FARP2: variants seen among roughly 807,000 people sequenced by gnomAD.
FARP2 encodes the protein FERM, ARH/RhoGEF and pleckstrin domain protein 2.
Under a neutral mutation model 130.5 loss-of-function variants are expected in FARP2, and 111 were observed. The observed-to-expected ratio is 0.85, with a 90% confidence interval of 0.73 to 1.00. FARP2 has a LOEUF of 1.00. FARP2 is among the 50% of genes least tolerant of loss of function. FARP2 has a pLI of 0.00. For synonymous variants in FARP2, 504 were observed against 516.9 expected (o/e 0.98, Z 0.34); for missense variants, 1,385 against 1,346.3 (o/e 1.03, Z -0.45).
At chr2:241,362,550 C>T (rs1180806216) in intron 1 of FARP2, among the ~76,000 whole-genome samples, 1 of 151,986 alleles carries the variant, frequency 6.6e-6, no homozygotes, top group African/African-American at 2.4e-5. Flanking sequence ...TGCAGTGAGG[C>T]GAGATTGCGC....
chr2:241,484,401 G>T, intron 21 of FARP2, 70 bp downstream of exon 21: 1 of 1,282,928 alleles, frequency 7.8e-7, no homozygotes. Flanking sequence ...CCTCTCTCCT[G>T]CAGAGGCGAA....
At chr2:241,396,675 C>A (rs2062037981) in intron 2 of FARP2, among the ~76,000 whole-genome samples, 1 of 152,184 alleles carries the variant, frequency 6.6e-6, no homozygotes, top group African/African-American at 2.4e-5. Context: ...ATTAAAAAGT[C>A]AGGGAGCAAC....
At chr2:241,493,153 CCT>C (rs2064992188) in intron 25 of FARP2, 117 bp downstream of exon 25, 2 of 1,170,300 alleles carry the variant, frequency 1.7e-6, no homozygotes, top group Admixed American at 3.6e-5. Context: ...GCCCACACAC[CCT>C]GTGCTGTGTG....
intron 5 of FARP2, among the ~76,000 whole-genome samples, chr2:241,410,538 C>G (rs2062489996): frequency 6.6e-6 from 1 of 151,264 alleles, no homozygotes; most frequent in South Asian, 2.1e-4. Flanking sequence ...TCAGGCGATT[C>G]TCCTGCCTCA....
chr2:241,378,268 A>G (rs1390392743), intron 2 of FARP2, among the ~76,000 whole-genome samples: 6 of 142,024 alleles, frequency 4.2e-5, no homozygotes, highest in Non-Finnish European at 9.3e-5. Context: ...TGCCCGGCTA[A>G]TATTTTTTTT....
At chr2:241,443,197 C>T (rs1026685689) in intron 13 of FARP2, 3 of 185,344 alleles carry the variant, frequency 1.6e-5, no homozygotes, top group Non-Finnish European at 3.4e-5. Flanking sequence ...ATCCATTGCA[C>T]TGGGGTTGGG....
Position 241,434,041 on chromosome 2 carries a change from AAAC to A in FARP2, c.868-116_868-114del, listed in dbSNP as rs926582742. The A allele has an allele frequency of 2.4e-5, 20 of 836,258 alleles. No homozygotes were observed. The African/African-American group carries it at 3.0e-4, about 12-fold the overall frequency. The allele number at this position is 836,258 out of a possible 1,614,324, so 51.8% of individuals were successfully genotyped here. A position where few individuals can be genotyped will look rare whatever the true frequency, so the allele number is the denominator to read the frequency against. Reference sequence around the variant, plus strand: ...CAGAGCAAGATCCTGTCTCAAAAAAAAACCTTACTGATTTTTAATTTTGGAATT... The same window carrying A: ...CAGAGCAAGATCCTGTCTCAAAAAAACTTACTGATTTTTAATTTTGGAATT... On this transcript the variant is annotated intron_variant, in intron 9 of 26. Transcript: ENST00000264042.
chr2:241,451,632 G>A (rs2063660632), intron 13 of FARP2, among the ~76,000 whole-genome samples: 2 of 152,194 alleles, frequency 1.3e-5, no homozygotes, highest in South Asian at 4.1e-4. Flanking sequence ...CTCAGTAGAT[G>A]ACCTCGGATT....
chr2:241,454,969 C>T (rs2150450215), intron 13 of FARP2, among the ~76,000 whole-genome samples: 1 of 152,256 alleles, frequency 6.6e-6, no homozygotes, highest in East Asian at 1.9e-4. Context: ...AATAAGGACT[C>T]CCTCCCCTCC....
chr2:241,479,005 T>C (rs1348795379), intron 19 of FARP2: 3 of 509,878 alleles, frequency 5.9e-6, no homozygotes, highest in African/African-American at 2.0e-5. Flanking sequence ...GGACACAGTA[T>C]TGACAGCTGA....
At chr2:241,372,263 G>A (rs1402820584) in intron 1 of FARP2, among the ~76,000 whole-genome samples, 1 of 151,988 alleles carries the variant, frequency 6.6e-6, no homozygotes, top group Non-Finnish European at 1.5e-5. Context: ...GTGAGTATGG[G>A]GGTTATTGTG....
At chr2:241,460,511 C>T (rs567549676) in intron 14 of FARP2, among the ~76,000 whole-genome samples, 63 of 151,948 alleles carry the variant, frequency 4.1e-4, no homozygotes, top group African/African-American at 1.5e-3. Flanking sequence ...CTCCTGGCCT[C>T]GAGTGATCCT....
intron 6 of FARP2, among the ~76,000 whole-genome samples, chr2:241,411,741 T>A (rs1045241463): frequency 1.3e-5 from 2 of 152,230 alleles, no homozygotes; most frequent in Admixed American, 1.3e-4. Context: ...AGCACAGAAC[T>A]AATGTTTCTG....
rs1007491965 is a variant in FARP2 at position 241,406,596 on chromosome 2, G to A, written c.332-941G>A. ...CAAGTAGCTGGAACTTCAGGCATGC[G>A]CCACCATATCTGGCTAATTTGGGGT... On this transcript the variant is annotated intron_variant, in intron 4 of 26. Coordinates refer to ENST00000264042, the MANE Select transcript of FARP2 (RefSeq NM_014808.4). Among the ~76,000 whole-genome samples the A allele has an allele frequency of 8.0e-5, 12 of 150,822 alleles. No homozygotes were observed. In the East Asian group the frequency reaches 1.8e-3, roughly 22 times the overall value.
chr2:241,370,143 C>T (rs1488663275), intron 1 of FARP2, among the ~76,000 whole-genome samples: 4 of 152,018 alleles, frequency 2.6e-5, no homozygotes, highest in Non-Finnish European at 5.9e-5. Flanking sequence ...ATAGTTAATA[C>T]CTTATTGTAT....
chr2:241,476,233 A>G lies in FARP2; in HGVS notation c.2262+246A>G, dbSNP rs932495434. On this transcript the variant is annotated intron_variant, in intron 19 of 26. Transcript: ENST00000264042. ...ATGAATTAAAAAAAAAAAAAAAAAA[A>G]AAGAATTGCTGGGTGTGGTGGCGCA... 1.7e-4 allele frequency among the ~76,000 whole-genome samples: 25 copies of G among 150,854 alleles called. No homozygotes were observed. In the East Asian group the frequency reaches 4.3e-3, roughly 26 times the overall value.
intron 14 of FARP2, 58 bp downstream of exon 14, chr2:241,456,980 TG>T (rs779034346): frequency 2.6e-4 from 377 of 1,457,160 alleles, no homozygotes; most frequent in Non-Finnish European, 3.2e-4. Flanking sequence ...CTGTTTTCAC[TG>T]TTCCTTCGGG....
intron 4 of FARP2, among the ~76,000 whole-genome samples, chr2:241,405,743 C>T (rs779881256): frequency 1.5e-3 from 234 of 152,008 alleles, no homozygotes; most frequent in Non-Finnish European, 2.7e-3. Context: ...AGACCAGCCT[C>T]GCCAACATGG....
chr2:241,379,468 CAG>C (rs1453691976), intron 2 of FARP2, among the ~76,000 whole-genome samples: 2 of 152,188 alleles, frequency 1.3e-5, no homozygotes, highest in African/African-American at 4.8e-5. Flanking sequence ...AACATACTCA[CAG>C]TTGTTAGGGT....
Sources: allele counts gnomAD v4.1 joint callset (sites outside exome capture counted in the v4.1 genomes callset), GRCh38; gene constraint gnomAD v4.1.1; transcripts MANE v1.5; gene names NCBI Gene and HGNC (gene_info 2026-07-23, HGNC 2026-07-21).